ADARB2: variants seen among roughly 807,000 people sequenced by gnomAD.
ADARB2 encodes the protein inactive double-stranded RNA-specific editase B2.
ADARB2 carries 25 observed loss-of-function variants against 62.2 expected under a neutral mutation model. The observed-to-expected ratio is 0.40, with a 90% confidence interval of 0.29 to 0.56. The LOEUF is 0.56. Among genes scored for constraint, ADARB2 ranks in the 20% least tolerant of loss-of-function variants. The probability of loss-of-function intolerance (pLI) is 0.43; values close to 1 mark genes in which losing one functional copy is unlikely to be tolerated. For missense variants in ADARB2, 1,071 were observed against 1,077.4 expected, an observed-to-expected ratio of 0.99 and a Z score of 0.08; for synonymous variants, 572 against 500.8, an observed-to-expected ratio of 1.14 and a Z score of -1.90.
At chr10:1,523,463 A>G (rs1376639946) in intron 1 of ADARB2, among the ~76,000 whole-genome samples, 2 of 152,146 alleles carry the variant, frequency 1.3e-5, no homozygotes, top group South Asian at 4.2e-4. Flanking sequence ...TTGCTGGGCC[A>G]TCCCACCCCC....
intron 4 of ADARB2, among the ~76,000 whole-genome samples, chr10:1,251,434 T>C (rs1488215403): frequency 6.6e-6 from 1 of 152,000 alleles, no homozygotes; most frequent in Non-Finnish European, 1.5e-5. Context: ...GGGGAAGGGA[T>C]GAATAGATGG....
intron 1 of ADARB2, among the ~76,000 whole-genome samples, chr10:1,588,065 G>A (rs1370079953): frequency 6.6e-6 from 1 of 152,120 alleles, no homozygotes; most frequent in East Asian, 1.9e-4. Context: ...ATGACAAGGG[G>A]AAAATGACTT....
intron 6 of ADARB2, among the ~76,000 whole-genome samples, chr10:1,230,772 T>G (rs937551807): frequency 6.6e-6 from 1 of 152,078 alleles, no homozygotes. Flanking sequence ...CTCCACGCTC[T>G]CCAGATGGGA....
At chr10:1,344,518 C>T (rs890815613) in intron 3 of ADARB2, among the ~76,000 whole-genome samples, 2 of 152,198 alleles carry the variant, frequency 1.3e-5, no homozygotes, top group Non-Finnish European at 2.9e-5. Context: ...GGGCGCTGAA[C>T]GCTGAGTATA....
rs139223328 is a variant in ADARB2, at chr10:1,505,110, GACACAC to G, written c.101-125956_101-125951del. On this transcript the variant is annotated intron_variant, in intron 1 of 9. Coordinates refer to ENST00000381312, the MANE Select transcript of ADARB2 (RefSeq NM_018702.4). ...GGACACACACACACATGCACACACA[GACACAC>G]ACAACATAGACATGCACACATACAG... Among the ~76,000 whole-genome samples, 4 of 151,182 alleles carry G rather than the reference GACACAC, an allele frequency of 2.6e-5. No homozygotes were observed. In the South Asian group the frequency reaches 6.3e-4, roughly 24 times the overall value.
chr10:1,543,031 G>A (rs1410121707), intron 1 of ADARB2, among the ~76,000 whole-genome samples: 2 of 152,252 alleles, frequency 1.3e-5, no homozygotes, highest in Non-Finnish European at 2.9e-5. Context: ...GCAGCTCCGC[G>A]CTGGGCAGCT....
intron 1 of ADARB2, among the ~76,000 whole-genome samples, chr10:1,589,267 G>A (rs1355783270): frequency 6.6e-6 from 1 of 152,236 alleles, no homozygotes; most frequent in East Asian, 1.9e-4. Flanking sequence ...CTGACCGCCA[G>A]CCTCCAGGGG....
At chr10:1,455,138 C>A (rs1315204084) in intron 1 of ADARB2, among the ~76,000 whole-genome samples, 1 of 152,206 alleles carries the variant, frequency 6.6e-6, no homozygotes, top group Non-Finnish European at 1.5e-5. Context: ...AAGCCACATC[C>A]TGCTTACACT....
chr10:1,585,825 G>A (rs1292305721), intron 1 of ADARB2, among the ~76,000 whole-genome samples: 1 of 152,152 alleles, frequency 6.6e-6, no homozygotes, highest in Non-Finnish European at 1.5e-5. Context: ...ACGAGGTCAG[G>A]AGATCGAGAC....
chr10:1,310,696 G>C (rs1174285575), intron 3 of ADARB2, among the ~76,000 whole-genome samples: 1 of 152,192 alleles, frequency 6.6e-6, no homozygotes, highest in Non-Finnish European at 1.5e-5. Flanking sequence ...GATCTCTGTG[G>C]TTGGGACGGG....
chr10:1,588,626 C>T (rs2999399), intron 1 of ADARB2, among the ~76,000 whole-genome samples: 111,906 of 151,978 alleles, frequency 0.74, 41,588 homozygotes, highest in East Asian at 0.9. Flanking sequence ...TGCCTGATAC[C>T]GAGCTCGGAA....
chr10:1,448,886 G>A (rs1831002508), intron 1 of ADARB2, among the ~76,000 whole-genome samples: 1 of 152,030 alleles, frequency 6.6e-6, no homozygotes, highest in Non-Finnish European at 1.5e-5. Context: ...GCCTCAGCCT[G>A]CCGACCCCAT....
intron 1 of ADARB2, among the ~76,000 whole-genome samples, chr10:1,489,375 CCTTTCTGGGAG>C: frequency 6.6e-6 from 1 of 152,280 alleles, no homozygotes; most frequent in South Asian, 2.1e-4. Flanking sequence ...CGTGACCGTG[CCTTTCTGGGAG>C]CTTCTGCAAT....
At chr10:1,396,320 A>G (rs1832612892) in intron 1 of ADARB2, among the ~76,000 whole-genome samples, 1 of 152,044 alleles carries the variant, frequency 6.6e-6, no homozygotes, top group African/African-American at 2.4e-5. Context: ...GACCCATCGC[A>G]GCTGCACGGG....
intron 1 of ADARB2, among the ~76,000 whole-genome samples, chr10:1,627,904 A>T (rs1362238417): frequency 6.6e-6 from 1 of 152,204 alleles, no homozygotes; most frequent in Non-Finnish European, 1.5e-5. Flanking sequence ...GGAGGGCATC[A>T]GCCATGGAGA....
At chr10:1,480,631 G>T (rs1390200954) in intron 1 of ADARB2, among the ~76,000 whole-genome samples, 1 of 149,230 alleles carries the variant, frequency 6.7e-6, no homozygotes, top group Non-Finnish European at 1.5e-5. Context: ...CTGGGAGGCG[G>T]AGCTTGCAGT....
intron 1 of ADARB2, among the ~76,000 whole-genome samples, chr10:1,691,097 C>T (rs1177544265): frequency 6.6e-6 from 1 of 152,164 alleles, no homozygotes; most frequent in African/African-American, 2.4e-5. Flanking sequence ...TGTATTTGGA[C>T]ATACCACCTT....
chr10:1,388,487 A>G (rs949488703), intron 1 of ADARB2, among the ~76,000 whole-genome samples: 3 of 152,210 alleles, frequency 2.0e-5, no homozygotes, highest in African/African-American at 7.2e-5. Flanking sequence ...GAAAGATGAA[A>G]ACAACTACCA....
At chr10:1,571,823 ATGCAGGTGATATGCTGGTGAGTG>A (rs1832940103) in intron 1 of ADARB2, among the ~76,000 whole-genome samples, 2 of 130,562 alleles carry the variant, frequency 1.5e-5, no homozygotes, top group South Asian at 2.6e-4. Flanking sequence ...ACAGGTGAGT[ATGCAGGTGATATGCTGGTGAGTG>A]GGCAGGTGAG....
Sources: gnomAD v4.1 joint callset for allele counts (sites outside exome capture counted in the v4.1 genomes callset) on GRCh38, gnomAD v4.1.1 for gene constraint, MANE v1.5 for transcripts, NCBI Gene and HGNC (gene_info 2026-07-23, HGNC 2026-07-21) for gene names.